CCDC136: variants seen among roughly 807,000 people sequenced by gnomAD.
The protein encoded by CCDC136 is coiled-coil domain containing 136.
In CCDC136, 100 loss-of-function variants were observed where a neutral mutation model predicts 141.2. The ratio of observed to expected loss-of-function variants is 0.71; its 90% CI spans 0.60 to 0.84. The LOEUF is 0.84. CCDC136 is among the 40% of genes least tolerant of loss of function. The pLI is 0.00. For missense variants in CCDC136, 1,206 were observed against 1,379.4 expected, an observed-to-expected ratio of 0.87 and a Z score of 1.99; for synonymous variants, 474 against 531.9, an observed-to-expected ratio of 0.89 and a Z score of 1.50.
At chr7:128,809,168 G>A (rs553819398) in intron 10 of CCDC136, 23 of 367,656 alleles carry the variant, frequency 6.3e-5, no homozygotes, top group African/African-American at 3.0e-4. Context: ...AAGGGGCATC[G>A]ATAGCATTCC....
chr7:128,800,760 G>A (rs1383859759), intron 3 of CCDC136, among the ~76,000 whole-genome samples: 2 of 152,248 alleles, frequency 1.3e-5, no homozygotes, highest in African/African-American at 4.8e-5. Flanking sequence ...CTGAGGCTCT[G>A]TAATTTCTGA....
rs966847683 is a variant in CCDC136 at position 128,817,776 on chromosome 7, C to A, written c.3382C>A (p.Pro1128Thr). 1 of 1,613,438 alleles carries A rather than the reference C, an allele frequency of 6.2e-7. No homozygotes were observed. The highest frequency in any genetic ancestry group is 8.5e-7 in the Non-Finnish European group (1 of 1,179,446). The part of the protein sequence containing the change: ...ESKKSSPTPN[P>T]PIFSLPLVGL... ...GTTGCAGTCATCCCCTACCCCCAAT[C>A]CCCCCATCTTCTCCTTGCCTCTTGT... is the stretch of plus-strand genomic sequence containing the variant. Residue 1128 changes from proline (P) to threonine (T), a missense_variant, in exon 17 of 18, where the codon CCC (proline) becomes ACC (threonine). Transcript: ENST00000297788. The surrounding 1 kb of genome is among the most constrained non-coding windows in gnomAD (Gnocchi z 4.6).
At chr7:128,804,849 C>A in intron 5 of CCDC136, 88 bp downstream of exon 5, 2 of 784,602 alleles carry the variant, frequency 2.5e-6, no homozygotes, top group Non-Finnish European at 4.2e-6. Context: ...GATGCCAGGG[C>A]AGTGAGCGTT....
chr7:128,807,138 A>ATATT lies in CCDC136; in HGVS notation c.1420-203_1420-200dup, dbSNP rs879873711. Among the ~76,000 whole-genome samples the ATATT allele has an allele frequency of 2.1e-4, 32 of 151,930 alleles. No individual in the cohort carries two copies. In the East Asian group the frequency reaches 2.7e-3, roughly 13 times the overall value. On this transcript the variant is annotated intron_variant, in intron 9 of 17. Coordinates refer to ENST00000297788, the MANE Select transcript of CCDC136 (RefSeq NM_022742.5). ...CTGTGTTTCTTTTTAAATTATTTTT[A>ATATT]TATTTATTTATTTATTTATTTAACT...
intron 4 of CCDC136, among the ~76,000 whole-genome samples, chr7:128,803,837 CAG>C (rs1238999051): frequency 5.9e-5 from 8 of 135,152 alleles, no homozygotes; most frequent in African/African-American, 2.4e-4. Context: ...TTTTTTGAGA[CAG>C]AGTCTCACTC....
Position 128,792,280 on chromosome 7 carries a change from G to GCCCCCCCCCCCCCCCCCCCCCCCTTTCCC in CCDC136, c.-126_-125insCCCCCCCCCCCCCCCCCTTTCCCCCCCCC. On this transcript the variant is annotated 5_prime_UTR_variant, in exon 1 of 18. It removes the in-frame stop codon of an upstream open reading frame in the 5' UTR. Transcript: ENST00000297788. ...TCCTCTGCACCCCAGCCCGCAGCCA[G>GCCCCCCCCCCCCCCCCCCCCCCCTTTCCC]CCCCCCACCCCCCAGCCCCTCCTTT... 7.5e-7 allele frequency: 1 copy of GCCCCCCCCCCCCCCCCCCCCCCCTTTCCC among 1,334,790 alleles called. No homozygotes were observed. The highest frequency in any genetic ancestry group is 1.0e-6 in the Non-Finnish European group (1 of 998,242). 82.7% of individuals were successfully genotyped at this position (1,334,790 alleles called of 1,614,324 possible). A position where few individuals can be genotyped will look rare whatever the true frequency, so the allele number is the denominator to read the frequency against.
intron 3 of CCDC136, among the ~76,000 whole-genome samples, chr7:128,796,770 C>G (rs1476616801): frequency 8.4e-6 from 1 of 118,672 alleles, no homozygotes; most frequent in Non-Finnish European, 1.7e-5. Flanking sequence ...GAGACGGAGT[C>G]TCGCTCTGTC....
chr7:128,815,061 A>G (rs1184129643), intron 15 of CCDC136, 142 bp downstream of exon 15: 1 of 722,766 alleles, frequency 1.4e-6, no homozygotes, highest in Non-Finnish European at 2.2e-6. Context: ...AGTGGTTCCC[A>G]TCTTAATGGA....
chr7:128,792,293 C>A lies in CCDC136; in HGVS notation c.-119C>A. The A allele has an allele frequency of 1.3e-6, 2 of 1,572,618 alleles. No homozygotes were observed. Among genetic ancestry groups the A allele is most frequent in the South Asian group, 2.3e-5 (2 of 86,908 alleles). ...AGCCCGCAGCCAGCCCCCCACCCCC[C>A]AGCCCCTCCTTTCTCCCTGCTCTCA... On this transcript the variant is annotated 5_prime_UTR_variant, in exon 1 of 18. Coordinates refer to ENST00000297788, the MANE Select transcript of CCDC136 (RefSeq NM_022742.5).
intron 1 of CCDC136, among the ~76,000 whole-genome samples, chr7:128,793,869 C>T (rs1802559933): frequency 6.6e-6 from 1 of 152,202 alleles, no homozygotes. Context: ...ACCTCAGCCT[C>T]CCAAAGTGCT....
At chr7:128,799,579 TACAC>T (rs960541323) in intron 3 of CCDC136, among the ~76,000 whole-genome samples, 1 of 151,888 alleles carries the variant, frequency 6.6e-6, no homozygotes, top group Admixed American at 6.6e-5. Flanking sequence ...GAGACTTAAG[TACAC>T]ACACACATAT....
chr7:128,791,416 T>A, upstream of CCDC136: 6 of 1,067,370 alleles, frequency 5.6e-6, no homozygotes, highest in Non-Finnish European at 7.2e-6. The surrounding 1 kb of genome is among the most constrained non-coding windows in gnomAD (Gnocchi z 7.1). Context: ...CCTCCCTCCC[T>A]GCGCACCCGG....
At chr7:128,800,033 G>T (rs944453537) in intron 3 of CCDC136, among the ~76,000 whole-genome samples, 1 of 152,124 alleles carries the variant, frequency 6.6e-6, no homozygotes. Context: ...CTTACCACAT[G>T]TTATCCCATA....
intron 17 of CCDC136, chr7:128,818,232 G>A: frequency 5.0e-6 from 1 of 199,782 alleles, no homozygotes; most frequent in South Asian, 9.2e-5. Context: ...CTGATGAGCT[G>A]ATATTTGCAA....
At position 128,812,000 on chromosome 7, in the gene CCDC136, C is replaced by A; in HGVS notation, c.2229C>A (p.Ser743=). The change falls in exon 13 of 18, where the codon TCC becomes TCA. Residue 743 remains serine, a synonymous_variant. Transcript: ENST00000297788. The part of the protein sequence containing the change: ...QSPSIKMSLE[S]YGKSYGSMVP... ...CTTCTATAAAAATGAGCCTTGAGTC[C>A]TACGGGAAGAGCTATGGTAGCATGG... 1 of 1,613,926 alleles carries A rather than the reference C, an allele frequency of 6.2e-7. No individual in the cohort carries two copies. Among genetic ancestry groups the A allele is most frequent in the Non-Finnish European group, 8.5e-7 (1 of 1,179,830 alleles).
rs1806760748 is a variant in CCDC136, at chr7:128,817,143, C to T, written c.3364-615C>T. ...CTATATATGGAGAGATCCCTTTGCCCCGTGGGTCCTGCGTCTTTTGCAGGC... is the reference window on the plus strand; with the variant it reads ...CTATATATGGAGAGATCCCTTTGCCTCGTGGGTCCTGCGTCTTTTGCAGGC... On this transcript the variant is annotated intron_variant, in intron 16 of 17. Transcript: ENST00000297788. This position sits in a 1 kb window ranked among gnomAD's most constrained non-coding sequence, Gnocchi z 4.6. 6.6e-6 allele frequency among the ~76,000 whole-genome samples: 1 copy of T among 152,136 alleles called. No individual in the cohort carries two copies. The highest frequency in any genetic ancestry group is 2.4e-5 in the African/African-American group (1 of 41,422).
intron 3 of CCDC136, among the ~76,000 whole-genome samples, chr7:128,799,586 A>T (rs1803670518): frequency 1.3e-5 from 2 of 151,956 alleles, no homozygotes; most frequent in Non-Finnish European, 2.9e-5. Context: ...AAGTACACAC[A>T]CACATATAGC....
rs904786298 is a variant in CCDC136 at position 128,821,810 on chromosome 7, G to A, written c.*17G>A. On this transcript the variant is annotated 3_prime_UTR_variant, in exon 18 of 18. Transcript: ENST00000297788. The surrounding 1 kb of genome is among the most constrained non-coding windows in gnomAD (Gnocchi z 5.1). ...TTTGGTCCCCACAGAACATGTTTGG[G>A]TTGTGGAAGCCTATGGTATTCTTGG... The A allele has an allele frequency of 7.7e-7, 1 of 1,290,492 alleles. No individual in the cohort carries two copies. The highest frequency in any genetic ancestry group is 1.0e-6 in the Non-Finnish European group (1 of 989,014). The allele number at this position is 1,290,492 out of a possible 1,614,324, so 79.9% of individuals were successfully genotyped here.
Position 128,804,661 on chromosome 7 carries a change from G to T in CCDC136, c.682G>T (p.Glu228Ter). The T allele has an allele frequency of 6.4e-7, 1 of 1,570,252 alleles. No individual in the cohort carries two copies. Among genetic ancestry groups the T allele is most frequent in the Non-Finnish European group, 8.6e-7 (1 of 1,157,036 alleles). The change falls in exon 5 of 18, where the codon GAG becomes TAG. Residue 228 changes from glutamate to a stop codon, truncating the protein, a stop_gained. Coordinates refer to ENST00000297788, the MANE Select transcript of CCDC136 (RefSeq NM_022742.5). LOFTEE classifies it high-confidence loss of function. ...CCTGTCCTCTGCAGAAGAACTGCAG[G>T]AGCTGCGGGAACGCTACCATTTCCT... Reference protein sequence around the residue: ...DYSGLQEELQELRERYHFLNE... With the variant: ...DYSGLQEELQ
Sources: allele counts gnomAD v4.1 joint callset (sites outside exome capture counted in the v4.1 genomes callset), GRCh38; gene constraint gnomAD v4.1.1; non-coding constraint Gnocchi (gnomAD v3.1); transcripts MANE v1.5; gene names NCBI Gene and HGNC (gene_info 2026-07-23, HGNC 2026-07-21).